Variants in SIPA1L2 observed in about 807,000 individuals in gnomAD.
SIPA1L2 encodes the protein signal induced proliferation associated 1 like 2.
In SIPA1L2, 56 loss-of-function variants were observed where a neutral mutation model predicts 163.9. The ratio of observed to expected loss-of-function variants is 0.34; its 90% CI spans 0.28 to 0.43. The LOEUF (loss-of-function observed/expected upper bound fraction) is 0.43, where lower values mean the gene tolerates loss of function less well. Among genes scored for constraint, SIPA1L2 ranks in the 20% least tolerant of loss-of-function variants. SIPA1L2 has a pLI of 1.00. For synonymous variants in SIPA1L2, 877 were observed against 865.7 expected, an observed-to-expected ratio of 1.01 and a Z score of -0.23; for missense variants, 1,974 against 2,193.5, an observed-to-expected ratio of 0.90 and a Z score of 2.00.
chr1:232,493,672 G>A lies in SIPA1L2; in HGVS notation c.1484-12C>T. On this transcript the variant is annotated splice_polypyrimidine_tract_variant and intron_variant, in intron 3 of 22. Transcript: ENST00000674635. ...GTAGTTTTGGTGCTCTATAATGGAA[G>A]AGAGAGGGTGGCATCAAAAGAATGA... 2.5e-6 allele frequency: 4 copies of A among 1,613,540 alleles called. No individual in the cohort carries two copies. The highest frequency in any genetic ancestry group is 3.4e-6 in the Non-Finnish European group (4 of 1,179,814).
intron 3 of SIPA1L2, among the ~76,000 whole-genome samples, chr1:232,511,284 G>T (rs1030281853): frequency 2.0e-5 from 3 of 152,168 alleles, no homozygotes; most frequent in African/African-American, 7.2e-5. Context: ...CGAAATTCAG[G>T]GTGGAGGAGA....
rs747824400 is a variant in SIPA1L2 at position 232,399,105 on chromosome 1, C to T, written c.*22G>A. The stretch of plus-strand genomic sequence containing the variant: ...GGGACAAGGGGCATTTCCCAGTGGT[C>T]CCTTGATGAGGTGCGGATTGGCTAA... On this transcript the variant is annotated 3_prime_UTR_variant, in exon 23 of 23. Coordinates refer to ENST00000674635, the MANE Select transcript of SIPA1L2 (RefSeq NM_020808.5). The T allele has an allele frequency of 6.2e-7, 1 of 1,613,866 alleles. No individual in the cohort carries two copies. Among genetic ancestry groups the T allele is most frequent in the Non-Finnish European group, 8.5e-7 (1 of 1,179,914 alleles).
Position 232,599,075 on chromosome 1 carries a change from T to C in SIPA1L2, c.-318-24853A>G, listed in dbSNP as rs192123080. Among the ~76,000 whole-genome samples the C allele has an allele frequency of 3.3e-5, 5 of 152,148 alleles. No individual in the cohort carries two copies. The East Asian group carries it at 9.6e-4, about 29-fold the overall frequency. On this transcript the variant is annotated intron_variant, in intron 1 of 22. Coordinates refer to ENST00000674635, the MANE Select transcript of SIPA1L2 (RefSeq NM_020808.5). ...AATTTCCTTCATAACCCCAAATCCATTCGATTCAATAACATTAGTTCCCTT... is the reference window on the plus strand; with the variant it reads ...AATTTCCTTCATAACCCCAAATCCACTCGATTCAATAACATTAGTTCCCTT...
intron 1 of SIPA1L2, among the ~76,000 whole-genome samples, chr1:232,596,863 G>GTTC (rs1661281029): frequency 2.6e-5 from 4 of 152,158 alleles, no homozygotes; most frequent in African/African-American, 9.7e-5. Flanking sequence ...TATCTGATTA[G>GTTC]AAAATGGTTC....
intron 10 of SIPA1L2, among the ~76,000 whole-genome samples, chr1:232,453,144 T>C (rs1414796070): frequency 1.3e-5 from 2 of 152,218 alleles, no homozygotes; most frequent in Non-Finnish European, 2.9e-5. Flanking sequence ...TATATATCAT[T>C]ATCCCATTAT....
At chr1:232,425,913 CTTT>C in intron 17 of SIPA1L2, 105 bp from the exon 18 acceptor site, 2 of 1,012,786 alleles carry the variant, frequency 2.0e-6, no homozygotes, top group Non-Finnish European at 2.9e-6. Flanking sequence ...GTGATAGCTT[CTTT>C]GAGTTTTCTC....
At chr1:232,619,692 G>A (rs1662694943) in intron 1 of SIPA1L2, among the ~76,000 whole-genome samples, 3 of 152,178 alleles carry the variant, frequency 2.0e-5, no homozygotes, top group Non-Finnish European at 2.9e-5. Context: ...GGGTGCCCCT[G>A]TTAACTTGGA....
chr1:232,502,072 T>G (rs555858458), intron 3 of SIPA1L2, among the ~76,000 whole-genome samples: 2 of 152,356 alleles, frequency 1.3e-5, no homozygotes, highest in East Asian at 3.9e-4. Flanking sequence ...ACCCATTTAC[T>G]GTGCAATGTT....
At position 232,490,946 on chromosome 1, in the gene SIPA1L2, G is replaced by T; in HGVS notation, c.1734C>A (p.Ser578Arg). The change falls in exon 5 of 23, where the codon AGC becomes AGA. Residue 578 changes from serine (S) to arginine (R), a missense_variant. This residue lies in a region of SIPA1L2 where 288 missense variants were observed against 418.9 expected (regional missense o/e 0.69). Transcript: ENST00000674635. ...TGGAAGCCTGTCGCAAACACTGAAT[G>T]CTCAGCTCTGGAATGACGTATTCCA... ...EVLEYVIPEL[S>R]IQCLRQASNS... is the part of the protein sequence containing the mutation. 6.2e-7 allele frequency: 1 copy of T among 1,614,150 alleles called. No homozygotes were observed. The highest frequency in any genetic ancestry group is 8.5e-7 in the Non-Finnish European group (1 of 1,180,020).
At chr1:232,555,184 T>C (rs1487492703) in intron 2 of SIPA1L2, among the ~76,000 whole-genome samples, 1 of 152,194 alleles carries the variant, frequency 6.6e-6, no homozygotes, top group East Asian at 1.9e-4. Context: ...CAAACATTAT[T>C]TATCTTTCAG....
chr1:232,564,374 G>A (rs994009882), intron 2 of SIPA1L2, among the ~76,000 whole-genome samples: 3 of 151,496 alleles, frequency 2.0e-5, no homozygotes, highest in Non-Finnish European at 4.4e-5. Context: ...CACTGCTCCT[G>A]GCCAAGAAAG....
intron 2 of SIPA1L2, among the ~76,000 whole-genome samples, chr1:232,534,604 G>T (rs531319876): frequency 1.3e-5 from 2 of 152,298 alleles, no homozygotes; most frequent in African/African-American, 4.8e-5. Context: ...AAGTGAAAAG[G>T]CAGCCCATGG....
chr1:232,513,796 G>C (rs1012319684), intron 3 of SIPA1L2, 61 bp downstream of exon 3: 1 of 1,501,796 alleles, frequency 6.7e-7, no homozygotes. Flanking sequence ...GCAAAACATT[G>C]TGACTGGTTC....
At chr1:232,607,761 A>G (rs12116785) in intron 1 of SIPA1L2, among the ~76,000 whole-genome samples, 1 of 146,856 alleles carries the variant, frequency 6.8e-6, no homozygotes, top group African/African-American at 2.5e-5. Context: ...CCTCTTTTTT[A>G]AAAAAAAAAA....
intron 10 of SIPA1L2, 145 bp downstream of exon 10, chr1:232,460,742 A>T: frequency 1.0e-6 from 1 of 973,150 alleles, no homozygotes; most frequent in Non-Finnish European, 1.5e-6. Context: ...TCCCAACAAC[A>T]TTGTACAAAT....
intron 1 of SIPA1L2, among the ~76,000 whole-genome samples, chr1:232,579,291 CA>C (rs35356530): frequency 0.51 from 76,583 of 151,242 alleles, 19,716 homozygotes; most frequent in East Asian, 0.84. Context: ...AAGCCAGCAT[CA>C]AAAAAAAAGG....
chr1:232,505,985 G>C (rs1373141751), intron 3 of SIPA1L2, among the ~76,000 whole-genome samples: 1 of 152,216 alleles, frequency 6.6e-6, no homozygotes, highest in Non-Finnish European at 1.5e-5. Flanking sequence ...AGCAAATGCA[G>C]CCATGCATCA....
At position 232,398,750 on chromosome 1, in the gene SIPA1L2, G is replaced by A. The variant is rs1468814758; in HGVS notation, c.*377C>T. 1 of 171,190 alleles carries A rather than the reference G, an allele frequency of 5.8e-6. No homozygotes were observed. Among genetic ancestry groups the A allele is most frequent in the Non-Finnish European group, 1.3e-5 (1 of 79,838 alleles). The allele number at this position is 171,190 out of a possible 1,614,324, so 10.6% of individuals were successfully genotyped here. On this transcript the variant is annotated 3_prime_UTR_variant, in exon 23 of 23. Coordinates refer to ENST00000674635, the MANE Select transcript of SIPA1L2 (RefSeq NM_020808.5). Reference sequence around the variant, plus strand: ...TTACAATACTAAAGCCCAAACTATGGTAAATTGCTTTACATCTCTACCAGG... The same window carrying A: ...TTACAATACTAAAGCCCAAACTATGATAAATTGCTTTACATCTCTACCAGG...
At chr1:232,458,900 A>T (rs1664074496) in intron 10 of SIPA1L2, among the ~76,000 whole-genome samples, 2 of 152,142 alleles carry the variant, frequency 1.3e-5, no homozygotes, top group African/African-American at 4.8e-5. Flanking sequence ...GATTCATGGG[A>T]CTCTGGAAAA....
Sources: allele counts gnomAD v4.1 joint callset (sites outside exome capture counted in the v4.1 genomes callset), GRCh38; gene constraint gnomAD v4.1.1; regional missense constraint gnomAD v4.1.1; transcripts MANE v1.5; gene names NCBI Gene and HGNC (gene_info 2026-07-23, HGNC 2026-07-21).